The following KCNMA1 variants were observed in gnomAD, a reference collection of about 807,000 sequenced individuals.
The protein encoded by KCNMA1 is Calcium-activated potassium channel subunit alpha-1.
Under a neutral mutation model 140.0 loss-of-function variants are expected in KCNMA1, and 29 were observed. That is an observed-to-expected ratio of 0.21 (90% CI 0.15 to 0.28). The LOEUF is 0.28. Ranked by LOEUF, KCNMA1 falls within the 10% of genes least tolerant of loss-of-function variation. The pLI is 1.00. For synonymous variants in KCNMA1, 612 were observed against 611.9 expected, an observed-to-expected ratio of 1.00 and a Z score of 0.00; for missense variants, 880 against 1,602.2, an observed-to-expected ratio of 0.55 and a Z score of 7.70.
At chr10:77,411,739 C>A (rs2096624143) in intron 1 of KCNMA1, among the ~76,000 whole-genome samples, 1 of 152,190 alleles carries the variant, frequency 6.6e-6, no homozygotes, top group South Asian at 2.1e-4. Flanking sequence ...GGGCCCTGTG[C>A]CTATGGAGGG....
At chr10:77,619,310 G>A (rs1004280883) in intron 1 of KCNMA1, among the ~76,000 whole-genome samples, 44 of 91,540 alleles carry the variant, frequency 4.8e-4, no homozygotes, top group African/African-American at 2.0e-3. Context: ...CTCTCTGTCT[G>A]TCTGTCTCTC....
At chr10:77,418,286 G>C (rs28735) in intron 1 of KCNMA1, among the ~76,000 whole-genome samples, 78,262 of 151,936 alleles carry the variant, frequency 0.52, 20,590 homozygotes, top group East Asian at 0.73. Flanking sequence ...ACTTGGCTCC[G>C]CTAGACCCAT....
intron 3 of KCNMA1, chr10:77,250,576 A>T (rs1211401799): frequency 1.3e-5 from 2 of 156,946 alleles, no homozygotes; most frequent in Non-Finnish European, 2.8e-5. Flanking sequence ...GCACCCAAGG[A>T]GTCTGCATGA....
chr10:76,925,562 G>A (rs1048767623), intron 23 of KCNMA1, among the ~76,000 whole-genome samples: 4 of 151,982 alleles, frequency 2.6e-5, no homozygotes, highest in Non-Finnish European at 5.9e-5. Flanking sequence ...CCTTTTGCAA[G>A]CATTAATCAA....
chr10:76,948,928 T>G, intron 22 of KCNMA1: 1 of 613,058 alleles, frequency 1.6e-6, no homozygotes, highest in South Asian at 1.9e-5. Context: ...TCATCCCTGA[T>G]GAGGGACTGA....
chr10:77,457,446 C>T (rs1443394802), intron 1 of KCNMA1, among the ~76,000 whole-genome samples: 1 of 152,136 alleles, frequency 6.6e-6, no homozygotes, highest in Admixed American at 6.6e-5. Flanking sequence ...TGTGATCCTG[C>T]CCAGCCCAGC....
At chr10:77,077,381 G>C (rs2096433147) in intron 13 of KCNMA1, among the ~76,000 whole-genome samples, 1 of 152,166 alleles carries the variant, frequency 6.6e-6, no homozygotes, top group African/African-American at 2.4e-5. Flanking sequence ...ATCATGAATT[G>C]GTTGATATCT....
chr10:77,345,342 C>T (rs566239953), intron 2 of KCNMA1, among the ~76,000 whole-genome samples: 2 of 152,214 alleles, frequency 1.3e-5, no homozygotes, highest in East Asian at 3.9e-4. Context: ...CTTAGAACTG[C>T]CCTGCATTGT....
chr10:77,002,550 G>A (rs1565473641), intron 18 of KCNMA1, among the ~76,000 whole-genome samples: 3 of 152,158 alleles, frequency 2.0e-5, no homozygotes, highest in Non-Finnish European at 4.4e-5. Flanking sequence ...TAGGTTCCAC[G>A]TGAAATATCT....
chr10:77,065,377 A>AT (rs1439235123), intron 14 of KCNMA1, among the ~76,000 whole-genome samples: 11 of 152,188 alleles, frequency 7.2e-5, no homozygotes, highest in African/African-American at 2.4e-4. Flanking sequence ...CCCCCAATGA[A>AT]GCTGAGAAGA....
At chr10:77,401,685 C>T (rs1257780106) in intron 2 of KCNMA1, among the ~76,000 whole-genome samples, 2 of 152,198 alleles carry the variant, frequency 1.3e-5, no homozygotes, top group African/African-American at 4.8e-5. Flanking sequence ...CAAATTCCAG[C>T]CCACCTAGTG....
At chr10:77,122,003 G>A (rs908599572) in intron 5 of KCNMA1, among the ~76,000 whole-genome samples, 4 of 152,130 alleles carry the variant, frequency 2.6e-5, no homozygotes, top group Non-Finnish European at 5.9e-5. Context: ...ATTAAGCACC[G>A]CCACGTGCCA....
chr10:77,421,444 G>T (rs2096864909), intron 1 of KCNMA1, among the ~76,000 whole-genome samples: 1 of 152,184 alleles, frequency 6.6e-6, no homozygotes, highest in Admixed American at 6.5e-5. Flanking sequence ...CTAGAGGTGG[G>T]CAAATTGTTT....
intron 3 of KCNMA1, among the ~76,000 whole-genome samples, chr10:77,244,394 T>G (rs867726478): frequency 2.0e-5 from 3 of 152,174 alleles, no homozygotes; most frequent in Non-Finnish European, 4.4e-5. Context: ...ATTTCCCCAA[T>G]GAAAGCCAAA....
chr10:77,004,633 G>T (rs2087759892), intron 18 of KCNMA1, among the ~76,000 whole-genome samples: 1 of 152,142 alleles, frequency 6.6e-6, no homozygotes, highest in Non-Finnish European at 1.5e-5. Context: ...TGTTCCAGAA[G>T]AATTGAACAC....
At chr10:77,171,418 TGTGTGTGTG>T (rs2098707173) in intron 5 of KCNMA1, among the ~76,000 whole-genome samples, 1 of 142,516 alleles carries the variant, frequency 7.0e-6, no homozygotes, top group African/African-American at 3.0e-5. Flanking sequence ...TGTGTGTGTG[TGTGTGTGTG>T]TGTGTGTGTG....
intron 1 of KCNMA1, among the ~76,000 whole-genome samples, chr10:77,571,093 C>T (rs1361135722): frequency 6.6e-6 from 1 of 152,124 alleles, no homozygotes; most frequent in Non-Finnish European, 1.5e-5. Context: ...CTTCAAATCT[C>T]CACGGATTTT....
At chr10:77,068,890 C>T (rs1446153427) in intron 14 of KCNMA1, among the ~76,000 whole-genome samples, 3 of 93,312 alleles carry the variant, frequency 3.2e-5, no homozygotes, top group South Asian at 6.1e-4. Context: ...CACACACACA[C>T]ACACACACAC....
At chr10:77,530,624 A>G (rs2057367363) in intron 1 of KCNMA1, among the ~76,000 whole-genome samples, 1 of 152,090 alleles carries the variant, frequency 6.6e-6, no homozygotes, top group African/African-American at 2.4e-5. Context: ...TTCTTATACC[A>G]ATGCCCCAAA....
Sources: gnomAD v4.1 joint callset for allele counts (sites outside exome capture counted in the v4.1 genomes callset) on GRCh38, gnomAD v4.1.1 for gene constraint, MANE v1.5 for transcripts, NCBI Gene and HGNC (gene_info 2026-07-23, HGNC 2026-07-21) for gene names.